The following NHEJ1 variants were observed in gnomAD, a reference collection of about 807,000 sequenced individuals.
The protein encoded by NHEJ1 is non-homologous end-joining factor 1.
In NHEJ1, 22 loss-of-function variants were observed where a neutral mutation model predicts 39.4. The ratio of observed to expected loss-of-function variants is 0.56; its 90% CI spans 0.40 to 0.80. The LOEUF is 0.80. NHEJ1 is among the 30% of genes least tolerant of loss of function. The pLI is 0.00. For synonymous variants in NHEJ1, 154 were observed against 135.6 expected (o/e 1.14, Z -0.94); for missense variants, 329 against 357.1 (o/e 0.92, Z 0.63).
intron 1 of NHEJ1, 56 bp from the exon 2 acceptor site, chr2:219,158,418 G>C (rs1949879109): frequency 1.3e-6 from 2 of 1,545,576 alleles, no homozygotes; most frequent in Non-Finnish European, 8.9e-7. Context: ...GCCTAGGGAG[G>C]GCACCACCCA....
At chr2:219,129,074 T>C (rs1409450938) in intron 5 of NHEJ1, among the ~76,000 whole-genome samples, 1 of 152,212 alleles carries the variant, frequency 6.6e-6, no homozygotes, top group Non-Finnish European at 1.5e-5. Context: ...AAGAAGATCA[T>C]CATCTAACCA....
intron 5 of NHEJ1, among the ~76,000 whole-genome samples, chr2:219,112,805 C>T (rs147143110): frequency 9.9e-5 from 15 of 152,274 alleles, no homozygotes; most frequent in Middle Eastern, 3.4e-3. Context: ...CTCCTTTACA[C>T]TCATGACTTT....
Position 219,121,984 on chromosome 2 carries a change from A to G in NHEJ1, c.588+24696T>C, listed in dbSNP as rs76463436. On this transcript the variant is annotated intron_variant, in intron 5 of 7. Coordinates refer to ENST00000356853, the MANE Select transcript of NHEJ1 (RefSeq NM_024782.3). ...ATACCCAAAATATACCAAGAACTAT[A>G]TCGCAACTGGGAGCTCTTACTAGTT... 3.6e-3 allele frequency among the ~76,000 whole-genome samples: 555 copies of G among 152,320 alleles called. 27 individuals carry two copies. The East Asian group carries it at 0.093, about 25-fold the overall frequency.
At chr2:219,076,557 C>CTTTTTT in intron 7 of NHEJ1, 102 bp from the exon 8 acceptor site, 1 of 457,432 alleles carries the variant, frequency 2.2e-6, no homozygotes. Flanking sequence ...AGGATGAGGC[C>CTTTTTT]TTTTTTTTTT....
At chr2:219,156,943 A>T (rs1949860393) in intron 3 of NHEJ1, among the ~76,000 whole-genome samples, 1 of 152,194 alleles carries the variant, frequency 6.6e-6, no homozygotes, top group Non-Finnish European at 1.5e-5. Context: ...ATGCCTTCCT[A>T]TCTACACAGC....
intron 5 of NHEJ1, among the ~76,000 whole-genome samples, chr2:219,118,749 G>C (rs1295659305): frequency 6.6e-6 from 1 of 152,062 alleles, no homozygotes; most frequent in African/African-American, 2.4e-5. Context: ...CCAGGGAAGG[G>C]GGAGGCCCAA....
At position 219,090,355 on chromosome 2, in the gene NHEJ1, A is replaced by T. The variant is rs144360106; in HGVS notation, c.589-12149T>A. Among the ~76,000 whole-genome samples, 295 of 152,340 alleles carry T rather than the reference A, an allele frequency of 1.9e-3. 1 individual carries two copies. Among genetic ancestry groups the T allele is most frequent in the African/African-American group, 6.5e-3 (269 of 41,574 alleles). On this transcript the variant is annotated intron_variant, in intron 5 of 7. Transcript: ENST00000356853. ...TGGGAATGATATTACTGCCTGCACT[A>T]TGGAGTTATTATGAGGATTAAATGA...
chr2:219,085,428 C>T (rs979927282), intron 5 of NHEJ1, among the ~76,000 whole-genome samples: 5 of 152,082 alleles, frequency 3.3e-5, no homozygotes, highest in Non-Finnish European at 7.4e-5. Flanking sequence ...AATATAGTAC[C>T]CTAAATACAC....
chr2:219,103,528 G>A (rs1316887998), intron 5 of NHEJ1, among the ~76,000 whole-genome samples: 1 of 152,026 alleles, frequency 6.6e-6, no homozygotes, highest in Non-Finnish European at 1.5e-5. Context: ...CGTCCGCCTC[G>A]GCCTCCCAAA....
intron 5 of NHEJ1, among the ~76,000 whole-genome samples, chr2:219,105,961 C>T (rs1272326842): frequency 1.3e-5 from 2 of 152,176 alleles, no homozygotes; most frequent in Non-Finnish European, 2.9e-5. Context: ...CTTGAAGATC[C>T]ATCTTCTAAC....
intron 5 of NHEJ1, among the ~76,000 whole-genome samples, chr2:219,088,670 G>T (rs914527020): frequency 5.9e-5 from 9 of 152,154 alleles, no homozygotes; most frequent in Non-Finnish European, 1.2e-4. Context: ...TAGATAACAG[G>T]GGGGTACTTT....
chr2:219,092,506 C>T (rs1394707729), intron 5 of NHEJ1, among the ~76,000 whole-genome samples: 1 of 152,072 alleles, frequency 6.6e-6, no homozygotes, highest in Non-Finnish European at 1.5e-5. Context: ...TAAAATGATA[C>T]GAAAGTATCT....
intron 5 of NHEJ1, among the ~76,000 whole-genome samples, chr2:219,083,370 A>G (rs10164493): frequency 0.73 from 110,217 of 151,712 alleles, 40,504 homozygotes; most frequent in Non-Finnish European, 0.77. Flanking sequence ...TGAACCCAAC[A>G]TGCGAGGATA....
intron 5 of NHEJ1, among the ~76,000 whole-genome samples, chr2:219,078,634 A>G (rs1485636424): frequency 1.3e-5 from 2 of 152,226 alleles, no homozygotes; most frequent in African/African-American, 4.8e-5. Context: ...CAAAATGGTA[A>G]TGACAGACTG....
chr2:219,096,252 G>A (rs1949207098), intron 5 of NHEJ1, among the ~76,000 whole-genome samples: 1 of 152,230 alleles, frequency 6.6e-6, no homozygotes, highest in Non-Finnish European at 1.5e-5. Context: ...GAGAAAAAGA[G>A]TTGGCAATGA....
Position 219,077,272 on chromosome 2 carries a change from G to T in NHEJ1, c.799C>A (p.Leu267Ile). The T allele has an allele frequency of 6.2e-7, 1 of 1,613,998 alleles. No homozygotes were observed. Among genetic ancestry groups the T allele is most frequent in the African/African-American group, 1.3e-5 (1 of 75,058 alleles). Reference protein sequence around the residue: ...PEQLVSSAPTLSAPEKESTGT... With the variant: ...PEQLVSSAPTISAPEKESTGT... ...GTGGACTCTTTCTCAGGTGCTGAGA[G>T]GGTTGGGGCTGAGGAGACCAGTTGT... Residue 267 changes from leucine (L) to isoleucine (I), a missense_variant, in exon 7 of 8, where the codon CTC becomes ATC. Physicochemically the swap from Leu to Ile is conservative, Grantham distance 5. Coordinates refer to ENST00000356853, the MANE Select transcript of NHEJ1 (RefSeq NM_024782.3).
chr2:219,121,308 T>C (rs1949469227), intron 5 of NHEJ1, among the ~76,000 whole-genome samples: 3 of 152,298 alleles, frequency 2.0e-5, no homozygotes, highest in South Asian at 4.1e-4. Flanking sequence ...ATCCTTATAA[T>C]TCAAGTTTAT....
intron 4 of NHEJ1, 40 bp from the exon 5 acceptor site, chr2:219,146,778 A>C: frequency 6.8e-7 from 1 of 1,477,550 alleles, no homozygotes; most frequent in Non-Finnish European, 9.5e-7. Flanking sequence ...TATGAGTCAT[A>C]CAGGATGAGT....
chr2:219,134,735 T>C (rs918064870), intron 5 of NHEJ1, among the ~76,000 whole-genome samples: 7 of 152,130 alleles, frequency 4.6e-5, no homozygotes, highest in African/African-American at 1.7e-4. Flanking sequence ...GTACGTCCCA[T>C]AATCAATTTA....
Sources: allele counts gnomAD v4.1 joint callset (sites outside exome capture counted in the v4.1 genomes callset), GRCh38; gene constraint gnomAD v4.1.1; transcripts MANE v1.5; gene names NCBI Gene and HGNC (gene_info 2026-07-23, HGNC 2026-07-21).